Variants in CSMD1 observed in about 807,000 individuals in gnomAD.
CSMD1 encodes the protein CUB and Sushi multiple domains 1, also known as CUB and sushi domain-containing protein 1.
In CSMD1, 213 loss-of-function variants were observed where a neutral mutation model predicts 417.5. The observed-to-expected ratio is 0.51, with a 90% CI of 0.46 to 0.57. The LOEUF (loss-of-function observed/expected upper bound fraction) is 0.57. Among genes scored for constraint, CSMD1 ranks in the 20% least tolerant of loss-of-function variants. The probability of loss-of-function intolerance (pLI) is 0.00; values close to 1 mark genes in which losing one functional copy is unlikely to be tolerated. For synonymous variants in CSMD1, 2,862 were observed against 1,736.8 expected (o/e 1.65, Z -16.11); for missense variants, 6,923 against 4,529.7 (o/e 1.53, Z -15.17).
At chr8:4,459,512 A>T (rs59220908) in intron 2 of CSMD1, among the ~76,000 whole-genome samples, 25,460 of 152,192 alleles carry the variant, frequency 0.17, 2,319 homozygotes, top group South Asian at 0.27. Flanking sequence ...AATAAATGGA[A>T]ATTGTGAGGA....
chr8:4,064,942 C>G (rs1011563364), intron 3 of CSMD1, among the ~76,000 whole-genome samples: 9 of 150,942 alleles, frequency 6.0e-5, no homozygotes, highest in Non-Finnish European at 8.8e-5. Context: ...AAAAAAAAAC[C>G]TTACCTCTAG....
chr8:3,558,505 AATGGTACC>A (rs1799294915), intron 10 of CSMD1, among the ~76,000 whole-genome samples: 1 of 149,646 alleles, frequency 6.7e-6, no homozygotes, highest in Non-Finnish European at 1.5e-5. Flanking sequence ...ACGGTGCCTC[AATGGTACC>A]CCATGTCGAC....
At chr8:3,235,300 A>G (rs1456632974) in intron 26 of CSMD1, among the ~76,000 whole-genome samples, 1 of 152,178 alleles carries the variant, frequency 6.6e-6, no homozygotes, top group Non-Finnish European at 1.5e-5. Context: ...TCTCATTCCC[A>G]TATTTTTATT....
intron 50 of CSMD1, among the ~76,000 whole-genome samples, chr8:3,030,285 G>A (rs1428835962): frequency 6.6e-6 from 1 of 151,862 alleles, no homozygotes; most frequent in Non-Finnish European, 1.5e-5. Context: ...AGTGCAAGAT[G>A]ATTTAAAATA....
Position 3,924,013 on chromosome 8 carries a change from C to T in CSMD1, c.818+73890G>A, listed in dbSNP as rs183838728. On this transcript the variant is annotated intron_variant, in intron 5 of 69. Transcript: ENST00000635120. ...TACAGGTAAGTTTTGTGCTTTCTTG[C>T]TGCTAATAAGTGTCCTTTCATTTCA... Among the ~76,000 whole-genome samples the T allele has an allele frequency of 5.3e-5, 8 of 152,296 alleles. No homozygotes were observed. The East Asian group carries it at 1.5e-3, about 29-fold the overall frequency.
At chr8:4,429,203 G>A (rs1026831115) in intron 2 of CSMD1, among the ~76,000 whole-genome samples, 2 of 151,446 alleles carry the variant, frequency 1.3e-5, no homozygotes, top group Non-Finnish European at 2.9e-5. Flanking sequence ...AAAGGATCAT[G>A]CCTGCCTTAC....
chr8:3,958,756 G>C (rs929627606), intron 5 of CSMD1, among the ~76,000 whole-genome samples: 2 of 152,126 alleles, frequency 1.3e-5, no homozygotes, highest in Non-Finnish European at 1.5e-5. Flanking sequence ...GTCACACAAA[G>C]CACCCTTCTG....
intron 6 of CSMD1, among the ~76,000 whole-genome samples, chr8:3,720,654 C>CACACACACACACA (rs1166821267): frequency 2.0e-5 from 3 of 151,950 alleles, no homozygotes; most frequent in Non-Finnish European, 2.9e-5. Flanking sequence ...CACACACACA[C>CACACACACACACA]ACCAGCACAT....
chr8:3,899,761 C>A (rs1033769733), intron 5 of CSMD1, among the ~76,000 whole-genome samples: 5 of 152,144 alleles, frequency 3.3e-5, no homozygotes, highest in Non-Finnish European at 7.3e-5. Context: ...GTATGACCAG[C>A]TTTCAGGGCA....
intron 3 of CSMD1, among the ~76,000 whole-genome samples, chr8:4,352,049 T>G (rs1297980618): frequency 6.6e-6 from 1 of 151,902 alleles, no homozygotes; most frequent in African/African-American, 2.4e-5. Flanking sequence ...TGTCCCAGTG[T>G]GGTCTACAAT....
At chr8:4,042,175 A>G (rs1797924933) in intron 3 of CSMD1, among the ~76,000 whole-genome samples, 2 of 152,186 alleles carry the variant, frequency 1.3e-5, no homozygotes, top group South Asian at 2.1e-4. Flanking sequence ...CATAAATACA[A>G]AAAGTTCAGT....
At chr8:4,436,549 G>A (rs376507320) in intron 2 of CSMD1, among the ~76,000 whole-genome samples, 2 of 149,196 alleles carry the variant, frequency 1.3e-5, no homozygotes, top group African/African-American at 2.6e-5. Flanking sequence ...CGATCACACT[G>A]TAAGTTATTT....
chr8:4,159,671 C>T (rs1009028835), intron 3 of CSMD1, among the ~76,000 whole-genome samples: 20 of 152,272 alleles, frequency 1.3e-4, no homozygotes, highest in African/African-American at 4.6e-4. Flanking sequence ...TCACTGCAAG[C>T]TCCCCCTCCC....
At chr8:4,820,598 T>C (rs1305087717) in intron 1 of CSMD1, among the ~76,000 whole-genome samples, 1 of 152,116 alleles carries the variant, frequency 6.6e-6, no homozygotes, top group Non-Finnish European at 1.5e-5. Context: ...ACAAACGGGA[T>C]AGCTTTCTGA....
chr8:4,550,927 T>C (rs1797842781), intron 2 of CSMD1, among the ~76,000 whole-genome samples: 1 of 152,148 alleles, frequency 6.6e-6, no homozygotes, highest in Non-Finnish European at 1.5e-5. Flanking sequence ...TCAAGTTAGT[T>C]TCCTGAGTAT....
chr8:4,915,442 CCA>C (rs1202154501), intron 1 of CSMD1, among the ~76,000 whole-genome samples: 2 of 152,146 alleles, frequency 1.3e-5, no homozygotes, highest in African/African-American at 4.8e-5. Flanking sequence ...AGATTGGAAA[CCA>C]CATATCTGCG....
intron 9 of CSMD1, among the ~76,000 whole-genome samples, chr8:3,580,135 A>C (rs549192368): frequency 1.3e-5 from 2 of 152,102 alleles, no homozygotes; most frequent in Admixed American, 1.3e-4. Context: ...GAAAGAAAAA[A>C]AGTATACATG....
At chr8:2,954,309 T>A in intron 64 of CSMD1, 41 bp from the exon 65 acceptor site, 2 of 1,241,064 alleles carry the variant, frequency 1.6e-6, no homozygotes, top group Non-Finnish European at 2.2e-6. Flanking sequence ...AAAAAAACAT[T>A]TATTTTTGAG....
intron 6 of CSMD1, among the ~76,000 whole-genome samples, chr8:3,739,673 C>T (rs1796694899): frequency 6.6e-6 from 1 of 152,092 alleles, no homozygotes; most frequent in African/African-American, 2.4e-5. Flanking sequence ...GTTTAAATTC[C>T]TGTGTTGTAA....
Sources: allele counts gnomAD v4.1 joint callset (sites outside exome capture counted in the v4.1 genomes callset), GRCh38; gene constraint gnomAD v4.1.1; transcripts MANE v1.5; gene names NCBI Gene and HGNC (gene_info 2026-07-23, HGNC 2026-07-21).